IMMP2L: variants seen among roughly 807,000 people sequenced by gnomAD.
IMMP2L encodes inner mitochondrial membrane peptidase subunit 2.
Under a neutral mutation model 19.3 loss-of-function variants are expected in IMMP2L, and 18 were observed. That is an observed-to-expected ratio of 0.93 (90% CI 0.64 to 1.38). IMMP2L has a LOEUF of 1.38. IMMP2L is among the 40% of genes most tolerant of loss of function. The pLI is 0.00. For synonymous variants in IMMP2L, 76 were observed against 73.0 expected (o/e 1.04, Z -0.21); for missense variants, 233 against 218.2 (o/e 1.07, Z -0.43).
chr7:111,187,233 C>A (rs1808370898), intron 3 of IMMP2L, among the ~76,000 whole-genome samples: 1 of 152,100 alleles, frequency 6.6e-6, no homozygotes, highest in African/African-American at 2.4e-5. Context: ...CCCTTTCTGG[C>A]CAAGCAGGTC....
At chr7:111,465,128 A>G (rs1189089650) in intron 3 of IMMP2L, among the ~76,000 whole-genome samples, 2 of 151,980 alleles carry the variant, frequency 1.3e-5, no homozygotes. Context: ...TCCTATGTAA[A>G]CTACCCATTG....
intron 4 of IMMP2L, among the ~76,000 whole-genome samples, chr7:110,912,052 T>C (rs1813115570): frequency 6.6e-6 from 1 of 152,042 alleles, no homozygotes; most frequent in African/African-American, 2.4e-5. Flanking sequence ...TTGCCTTAAG[T>C]GAGAGGCTTC....
rs181438288 is a variant in IMMP2L, at chr7:111,217,665, T to C, written c.240-254100A>G. On this transcript the variant is annotated intron_variant, in intron 3 of 5. Coordinates refer to ENST00000405709, the MANE Select transcript of IMMP2L (RefSeq NM_032549.4). ...CCTTTACTTTATCTTTTATAAACAA[T>C]AACAAAACTAGTATATTTTATATTC... Among the ~76,000 whole-genome samples the C allele has an allele frequency of 9.7e-3, 1,473 of 152,170 alleles. 10 individuals carry two copies. Among genetic ancestry groups the C allele is most frequent in the Middle Eastern group, 0.02 (6 of 294 alleles).
chr7:110,826,595 C>G (rs577070078), intron 5 of IMMP2L, among the ~76,000 whole-genome samples: 23 of 152,110 alleles, frequency 1.5e-4, no homozygotes, highest in Admixed American at 1.5e-3. Flanking sequence ...GGACAGAAAA[C>G]CAAACACCGC....
At chr7:110,962,448 T>G (rs1819052114) in intron 4 of IMMP2L, 1 of 152,046 alleles carries the variant, frequency 6.6e-6, no homozygotes, top group South Asian at 2.1e-4. Flanking sequence ...TGATTTTTTT[T>G]TTTTACATTT....
chr7:110,777,495 T>C (rs1171439583), intron 5 of IMMP2L, among the ~76,000 whole-genome samples: 1 of 151,996 alleles, frequency 6.6e-6, no homozygotes, highest in Non-Finnish European at 1.5e-5. Context: ...TAAGACCCCG[T>C]AAATCGAAGT....
chr7:111,097,900 G>T (rs1174854642), intron 3 of IMMP2L, among the ~76,000 whole-genome samples: 1 of 151,658 alleles, frequency 6.6e-6, no homozygotes, highest in African/African-American at 2.4e-5. Flanking sequence ...TTTCTACAAA[G>T]GCCAAGGGGT....
At chr7:110,761,129 G>C (rs1232611357) in intron 5 of IMMP2L, among the ~76,000 whole-genome samples, 1 of 152,048 alleles carries the variant, frequency 6.6e-6, no homozygotes, top group Non-Finnish European at 1.5e-5. Context: ...TTAAACTTTT[G>C]GTGGCAGCAA....
Position 111,100,842 on chromosome 7 carries a change from G to T in IMMP2L, c.240-137277C>A, listed in dbSNP as rs181731210. Reference sequence around the variant, plus strand: ...GTAATGAAATAAGGAAAGTTTTATTGACCATAAATATCTTGCAAATTGAAC... The same window carrying T: ...GTAATGAAATAAGGAAAGTTTTATTTACCATAAATATCTTGCAAATTGAAC... On this transcript the variant is annotated intron_variant, in intron 3 of 5. Coordinates refer to ENST00000405709, the MANE Select transcript of IMMP2L (RefSeq NM_032549.4). Among the ~76,000 whole-genome samples the T allele has an allele frequency of 2.5e-3, 384 of 151,594 alleles. 3 individuals carry two copies. The highest frequency in any genetic ancestry group is 8.8e-3 in the African/African-American group (365 of 41,472).
intron 3 of IMMP2L, among the ~76,000 whole-genome samples, chr7:111,159,114 T>C (rs1804968978): frequency 1.3e-5 from 2 of 152,132 alleles, no homozygotes; most frequent in African/African-American, 4.8e-5. Context: ...TTGATGCTGA[T>C]GATTTTATTT....
intron 3 of IMMP2L, among the ~76,000 whole-genome samples, chr7:111,175,715 G>A (rs1328331489): frequency 6.6e-6 from 1 of 151,700 alleles, no homozygotes; most frequent in African/African-American, 2.4e-5. Flanking sequence ...ACATAGGAAT[G>A]GGCAAAGATT....
At position 110,675,363 on chromosome 7, in the gene IMMP2L, C is replaced by T. The variant is rs959939849; in HGVS notation, c.409-11642G>A. 2.6e-5 allele frequency among the ~76,000 whole-genome samples: 4 copies of T among 151,722 alleles called. No homozygotes were observed. In the East Asian group the frequency reaches 5.8e-4, roughly 22 times the overall value. ...AGTAGTGGCTACATCCTTTGTCAGGCTCAAAAAAAAACAGGCTCAGTTCTC... is the reference window on the plus strand; with the variant it reads ...AGTAGTGGCTACATCCTTTGTCAGGTTCAAAAAAAAACAGGCTCAGTTCTC... On this transcript the variant is annotated intron_variant, in intron 5 of 5. Transcript: ENST00000405709.
chr7:111,274,464 C>T (rs1292970384), intron 3 of IMMP2L, among the ~76,000 whole-genome samples: 1 of 152,146 alleles, frequency 6.6e-6, no homozygotes, highest in East Asian at 1.9e-4. Context: ...AATTTTAACA[C>T]TTCTCCCTCA....
At chr7:111,440,654 A>AG (rs1837622434) in intron 3 of IMMP2L, among the ~76,000 whole-genome samples, 2 of 151,892 alleles carry the variant, frequency 1.3e-5, no homozygotes, top group South Asian at 4.1e-4. Flanking sequence ...AGAGTGGTCA[A>AG]GGACCATTGG....
intron 4 of IMMP2L, among the ~76,000 whole-genome samples, chr7:110,944,505 G>C (rs1275643498): frequency 6.6e-6 from 1 of 151,952 alleles, no homozygotes; most frequent in African/African-American, 2.4e-5. Flanking sequence ...GTAAAACAGA[G>C]AGAGACAGAG....
At chr7:111,253,835 C>A (rs941375849) in intron 3 of IMMP2L, among the ~76,000 whole-genome samples, 12 of 152,092 alleles carry the variant, frequency 7.9e-5, no homozygotes, top group African/African-American at 2.9e-4. Flanking sequence ...AACTGAAGAG[C>A]CCCAGAAAAC....
intron 3 of IMMP2L, among the ~76,000 whole-genome samples, chr7:110,972,952 G>C (rs1057154997): frequency 3.3e-5 from 5 of 152,130 alleles, no homozygotes; most frequent in Admixed American, 6.6e-5. Context: ...TCCCTTATTA[G>C]GTTAGCCTGA....
rs924357699 is a variant in IMMP2L at position 110,727,839 on chromosome 7, G to C, written c.409-64118C>G. On this transcript the variant is annotated intron_variant, in intron 5 of 5. Transcript: ENST00000405709. This position sits in a 1 kb window ranked among gnomAD's most constrained non-coding sequence, Gnocchi z 4.3. The stretch of plus-strand genomic sequence containing the variant: ...TAAGAAAAGAATTGCTTCACCGAGT[G>C]GATTTAAACAGATATGAGGTAAATT... Among the ~76,000 whole-genome samples, 7 of 152,150 alleles carry C rather than the reference G, an allele frequency of 4.6e-5. No homozygotes were observed. The highest frequency in any genetic ancestry group is 1.0e-4 in the Non-Finnish European group (7 of 68,028).
At chr7:111,289,959 A>T (rs1239022000) in intron 3 of IMMP2L, among the ~76,000 whole-genome samples, 1 of 152,068 alleles carries the variant, frequency 6.6e-6, no homozygotes, top group Non-Finnish European at 1.5e-5. Context: ...AGTGAAGTTA[A>T]CACTCTCTTA....
Sources: gnomAD v4.1 joint callset for allele counts (sites outside exome capture counted in the v4.1 genomes callset) on GRCh38, gnomAD v4.1.1 for gene constraint, Gnocchi (gnomAD v3.1) non-coding constraint, MANE v1.5 for transcripts, NCBI Gene and HGNC (gene_info 2026-07-23, HGNC 2026-07-21) for gene names.